RMDN3: variants seen among roughly 807,000 people sequenced by gnomAD.
RMDN3 encodes regulator of microtubule dynamics protein 3.
Under a neutral mutation model 61.8 loss-of-function variants are expected in RMDN3, and 41 were observed. The ratio of observed to expected loss-of-function variants is 0.66; its 90% CI spans 0.52 to 0.86. The LOEUF is 0.86. RMDN3 is among the 40% of genes least tolerant of loss of function. The probability of loss-of-function intolerance (pLI) is 0.00; values close to 1 mark genes in which losing one functional copy is unlikely to be tolerated. For synonymous variants in RMDN3, 247 were observed against 232.0 expected (o/e 1.06, Z -0.59); for missense variants, 557 against 585.3 (o/e 0.95, Z 0.50).
rs772363515 is a variant in RMDN3, at chr15:40,744,084, A to C, written c.873T>G (p.Thr291=). Residue 291 remains threonine, a synonymous_variant, in exon 6 of 13, where the codon ACT becomes ACG. Coordinates refer to ENST00000338376, the MANE Select transcript of RMDN3 (RefSeq NM_018145.3). ...ATGACTTCTTCTCGCTCACCTCCTC[A>C]GTGAGCTCACACATGTCACTGTAGG... ...ARAYSDMCEL[T]EEVSEKKSYA... 6.2e-7 allele frequency: 1 copy of C among 1,613,604 alleles called. No homozygotes were observed. The highest frequency in any genetic ancestry group is 1.3e-5 in the African/African-American group (1 of 75,018).
intron 4 of RMDN3, among the ~76,000 whole-genome samples, chr15:40,746,322 T>C (rs1029900017): frequency 2.0e-5 from 3 of 152,090 alleles, no homozygotes; most frequent in African/African-American, 4.8e-5. Flanking sequence ...AAGACCATCC[T>C]GGCTAACACG....
chr15:40,743,849 T>C (rs1243649224), intron 6 of RMDN3, among the ~76,000 whole-genome samples, 198 bp downstream of exon 6: 2 of 152,216 alleles, frequency 1.3e-5, no homozygotes, highest in Admixed American at 1.3e-4. Context: ...ATCAGCATGA[T>C]ATACAGATAA....
chr15:40,750,225 T>A (rs1185137109), intron 4 of RMDN3, among the ~76,000 whole-genome samples: 1 of 144,766 alleles, frequency 6.9e-6, no homozygotes. Context: ...TTTTTTTTTT[T>A]TTTTTTTTCT....
In RMDN3 at chr15:40,738,403, G is replaced by T. The variant is rs80088327; in HGVS notation, c.1047+98C>A. ...TCTCAAAAAAAAAGAAGAAAGGCAA[G>T]TCACTGAGGCTGTAGAAAAGTTTTT... is the stretch of plus-strand genomic sequence containing the variant. On this transcript the variant is annotated intron_variant, in intron 8 of 12. Transcript: ENST00000338376. 2.3e-4 allele frequency: 250 copies of T among 1,088,116 alleles called. 2 individuals are homozygous for T. In the East Asian group the frequency reaches 5.2e-3, roughly 23 times the overall value. 67.4% of individuals were successfully genotyped at this position (1,088,116 alleles called of 1,614,324 possible). A position where few individuals can be genotyped will look rare whatever the true frequency, so the allele number is the denominator to read the frequency against.
intron 4 of RMDN3, among the ~76,000 whole-genome samples, chr15:40,747,378 G>A (rs750486093): frequency 5.3e-5 from 8 of 152,222 alleles, no homozygotes; most frequent in Non-Finnish European, 1.2e-4. Flanking sequence ...AGATGGTAGA[G>A]CCCTGTGAGG....
At chr15:40,744,202 T>C (rs765291613) in intron 5 of RMDN3, 53 bp from the exon 6 acceptor site, 2 of 1,542,734 alleles carry the variant, frequency 1.3e-6, no homozygotes, top group African/African-American at 1.4e-5. Context: ...CTGTGGAGAA[T>C]GGGGGCCTTG....
intron 6 of RMDN3, among the ~76,000 whole-genome samples, chr15:40,742,933 T>TA (rs1897340453): frequency 6.6e-6 from 1 of 152,268 alleles, no homozygotes. Flanking sequence ...AAGCATCTTT[T>TA]GTTAAAACTT....
At chr15:40,742,375 C>T (rs1410948556) in intron 6 of RMDN3, among the ~76,000 whole-genome samples, 1 of 152,150 alleles carries the variant, frequency 6.6e-6, no homozygotes, top group Non-Finnish European at 1.5e-5. Context: ...AGAGGGACCA[C>T]ATGGCCCCAC....
At chr15:40,751,314 T>C in intron 4 of RMDN3, 112 bp downstream of exon 4, 1 of 1,341,742 alleles carries the variant, frequency 7.5e-7, no homozygotes, top group South Asian at 1.4e-5. Context: ...ATTATACTCT[T>C]ACCTGTTCCA....
intron 4 of RMDN3, among the ~76,000 whole-genome samples, chr15:40,745,717 T>G (rs1379356597): frequency 6.6e-6 from 1 of 151,920 alleles, no homozygotes; most frequent in East Asian, 1.9e-4. Context: ...GCTGGGAAAA[T>G]GATCCAGGAA....
Position 40,752,183 on chromosome 15 carries a change from AGG to A in RMDN3, c.188-7_188-6del. On this transcript the variant is annotated splice_region_variant and splice_polypyrimidine_tract_variant and intron_variant, in intron 2 of 12. Coordinates refer to ENST00000338376, the MANE Select transcript of RMDN3 (RefSeq NM_018145.3). ...GGACAGCCCGCAGGAGCATCACTGAAGGGGGAAACGAATGGGAGCCAGTGACA... is the reference window on the plus strand; with the variant it reads ...GGACAGCCCGCAGGAGCATCACTGAAGGGAAACGAATGGGAGCCAGTGACA... 1.9e-6 allele frequency: 3 copies of A among 1,610,284 alleles called. No homozygotes were observed. The highest frequency in any genetic ancestry group is 2.5e-6 in the Non-Finnish European group (3 of 1,177,584).
intron 8 of RMDN3, 120 bp downstream of exon 8, chr15:40,738,381 C>CA (rs34355108): frequency 0.47 from 385,890 of 827,220 alleles, 79,255 homozygotes; most frequent in East Asian, 0.73. Flanking sequence ...GACTCTGTCT[C>CA]AAAAAAAAAG....
At position 40,738,540 on chromosome 15, in the gene RMDN3, CTCATGCTCAGCCA is replaced by C. The variant is rs755112369; in HGVS notation, c.995_1007del (p.Leu332ArgfsTer44). 6.2e-7 allele frequency: 1 copy of C among 1,614,014 alleles called. No individual in the cohort carries two copies. Among genetic ancestry groups the C allele is most frequent in the African/African-American group, 1.3e-5 (1 of 74,908 alleles). ...CACTCTGGATGCGCCTCTGGATGCT[CTCATGCTCAGCCA>C]GCTGACCACAAAGCACCGCATACCT... On this transcript the variant is annotated frameshift_variant, in exon 8 of 13. Transcript: ENST00000338376. LOFTEE classifies it high-confidence loss of function.
At chr15:40,754,132 T>A (rs1168170540) in intron 2 of RMDN3, among the ~76,000 whole-genome samples, 3 of 34,264 alleles carry the variant, frequency 8.8e-5, no homozygotes, top group African/African-American at 2.9e-4. Flanking sequence ...GACTGCTTTT[T>A]TTTTTTTTTT....
intron 4 of RMDN3, 147 bp downstream of exon 4, chr15:40,751,279 T>A: frequency 1.0e-6 from 1 of 996,760 alleles, no homozygotes; most frequent in Non-Finnish European, 1.5e-6. Context: ...TTGGATGGGT[T>A]TTTTGTTTCA....
chr15:40,751,454 TGGCTCCCGAGGA>T lies in RMDN3; in HGVS notation c.484_495del (p.Ser162_Ala165del). 1 of 1,614,258 alleles carries T rather than the reference TGGCTCCCGAGGA, an allele frequency of 6.2e-7. No individual in the cohort carries two copies. Among genetic ancestry groups the T allele is most frequent in the Non-Finnish European group, 8.5e-7 (1 of 1,180,046 alleles). ...CCTTCACTCTCAGCATCTGTGAACG[TGGCTCCCGAGGA>T]GGCCGTGAAGTAGACAGAGCTGGAG... On this transcript the variant is annotated inframe_deletion, in exon 4 of 13. Transcript: ENST00000338376.
chr15:40,751,918 C>T (rs1596057298), intron 3 of RMDN3, 68 bp downstream of exon 3: 1 of 1,518,010 alleles, frequency 6.6e-7, no homozygotes, highest in East Asian at 2.3e-5. Flanking sequence ...ACAGCGAAGG[C>T]CAGAACACAC....
At chr15:40,752,199 G>A in intron 2 of RMDN3, 21 bp from the exon 3 acceptor site, 2 of 1,606,938 alleles carry the variant, frequency 1.2e-6, no homozygotes, top group Non-Finnish European at 1.7e-6. Flanking sequence ...AAACGAATGG[G>A]AGCCAGTGAC....
At chr15:40,744,202 T>G (rs765291613) in intron 5 of RMDN3, 53 bp from the exon 6 acceptor site, 29 of 1,542,616 alleles carry the variant, frequency 1.9e-5, no homozygotes, top group Non-Finnish European at 2.6e-5. Flanking sequence ...CTGTGGAGAA[T>G]GGGGGCCTTG....
Sources: allele counts gnomAD v4.1 joint callset (sites outside exome capture counted in the v4.1 genomes callset), GRCh38; gene constraint gnomAD v4.1.1; transcripts MANE v1.5; gene names NCBI Gene and HGNC (gene_info 2026-07-23, HGNC 2026-07-21).